Variants in COBL observed in about 807,000 individuals in gnomAD.
COBL encodes the protein cordon-bleu WH2 repeat protein, also known as protein cordon-bleu.
Under a neutral mutation model 98.8 loss-of-function variants are expected in COBL, and 51 were observed. That is an observed-to-expected ratio of 0.52 (90% CI 0.41 to 0.65). COBL has a LOEUF of 0.65. COBL is among the 30% of genes least tolerant of loss of function. The pLI, the probability that COBL is intolerant of heterozygous loss-of-function variation, is 0.00. For synonymous variants in COBL, 634 were observed against 651.7 expected (o/e 0.97, Z 0.41); for missense variants, 1,617 against 1,617.5 (o/e 1.00, Z 0.01).
In COBL at chr7:51,205,975, T is replaced by G. The variant is rs192001699; in HGVS notation, c.246-12386A>C. Among the ~76,000 whole-genome samples the G allele has an allele frequency of 1.9e-3, 282 of 152,182 alleles. 1 individual carries two copies. The highest frequency in any genetic ancestry group is 3.2e-4 in the Non-Finnish European group (22 of 67,982). On this transcript the variant is annotated intron_variant, in intron 2 of 12. Transcript: ENST00000265136. ...AACATCACCATCAGGAAAGTGCAATTCAAAACCACAATATCACCTCACACC... is the reference window on the plus strand; with the variant it reads ...AACATCACCATCAGGAAAGTGCAATGCAAAACCACAATATCACCTCACACC...
intron 1 of COBL, among the ~76,000 whole-genome samples, chr7:51,266,912 T>C (rs567221458): frequency 6.6e-6 from 1 of 152,310 alleles, no homozygotes; most frequent in African/African-American, 2.4e-5. Flanking sequence ...ATATTCCCTA[T>C]TAACTTACAT....
At chr7:51,211,727 C>CA (rs1323096534) in intron 2 of COBL, among the ~76,000 whole-genome samples, 1 of 152,164 alleles carries the variant, frequency 6.6e-6, no homozygotes, top group Non-Finnish European at 1.5e-5. Flanking sequence ...CTAAGACAAT[C>CA]AGACCCTCTC....
intron 8 of COBL, among the ~76,000 whole-genome samples, chr7:51,039,453 TG>T (rs765592227): frequency 2.3e-4 from 35 of 152,378 alleles, no homozygotes; most frequent in Middle Eastern, 3.4e-3. Context: ...TTCTGCTGCC[TG>T]GGCAGCTCCC....
chr7:51,192,960 C>G (rs1370510335), intron 3 of COBL, among the ~76,000 whole-genome samples: 1 of 152,052 alleles, frequency 6.6e-6, no homozygotes, highest in Non-Finnish European at 1.5e-5. Context: ...TGTTCAAAAG[C>G]TGTGTCAATT....
chr7:51,114,979 C>T (rs571431783), intron 6 of COBL, among the ~76,000 whole-genome samples: 13 of 152,276 alleles, frequency 8.5e-5, no homozygotes, highest in Non-Finnish European at 1.5e-4. Flanking sequence ...ATTACCATCA[C>T]CACCACAGTA....
chr7:51,040,708 C>G (rs1039170583), intron 8 of COBL, among the ~76,000 whole-genome samples: 1 of 152,166 alleles, frequency 6.6e-6, no homozygotes, highest in African/African-American at 2.4e-5. Flanking sequence ...AACTCCCTCC[C>G]TCCCCACCAC....
At chr7:51,128,366 C>T (rs978942691) in intron 6 of COBL, among the ~76,000 whole-genome samples, 6 of 151,876 alleles carry the variant, frequency 4.0e-5, no homozygotes, top group African/African-American at 9.7e-5. Flanking sequence ...GATATGTGTG[C>T]GTGTATGTGT....
At chr7:51,161,691 C>T (rs1312010463) in intron 5 of COBL, among the ~76,000 whole-genome samples, 1 of 152,112 alleles carries the variant, frequency 6.6e-6, no homozygotes, top group Non-Finnish European at 1.5e-5. Context: ...TTTATGGTAT[C>T]AAGAAATGCA....
At chr7:51,133,279 C>T (rs768609287) in intron 6 of COBL, among the ~76,000 whole-genome samples, 1 of 152,182 alleles carries the variant, frequency 6.6e-6, no homozygotes, top group African/African-American at 2.4e-5. Context: ...TGTTTTAACA[C>T]ATAACTTTAG....
chr7:51,054,938 G>A (rs1790592504), intron 7 of COBL, among the ~76,000 whole-genome samples: 1 of 152,172 alleles, frequency 6.6e-6, no homozygotes, highest in South Asian at 2.1e-4. Context: ...AGAGAAGGTG[G>A]TCCGCTATCC....
chr7:51,078,370 A>C (rs1793294459), intron 7 of COBL, among the ~76,000 whole-genome samples: 1 of 152,196 alleles, frequency 6.6e-6, no homozygotes, highest in South Asian at 2.1e-4. Context: ...CATTGCTCCC[A>C]GCCTTAGGGG....
chr7:51,100,617 T>C (rs933217206), intron 6 of COBL, among the ~76,000 whole-genome samples: 1 of 152,206 alleles, frequency 6.6e-6, no homozygotes, highest in Non-Finnish European at 1.5e-5. Context: ...AGCAGCTCTT[T>C]TGGCTGAGTG....
chr7:51,229,108 C>A (rs976414872), intron 1 of COBL, among the ~76,000 whole-genome samples: 3 of 152,190 alleles, frequency 2.0e-5, no homozygotes, highest in Non-Finnish European at 4.4e-5. Context: ...TACCGCACAG[C>A]CAACGCTGTT....
intron 1 of COBL, among the ~76,000 whole-genome samples, chr7:51,315,415 G>T (rs1416583773): frequency 6.6e-6 from 1 of 152,166 alleles, no homozygotes; most frequent in Non-Finnish European, 1.5e-5. Context: ...TACACACTTG[G>T]GCAACACGCC....
chr7:51,260,720 G>A (rs2129147747), intron 1 of COBL, among the ~76,000 whole-genome samples: 1 of 152,310 alleles, frequency 6.6e-6, no homozygotes, highest in East Asian at 1.9e-4. Flanking sequence ...GATGTGTGAA[G>A]AACTGGGATC....
intron 4 of COBL, chr7:51,187,846 G>A: frequency 1.7e-6 from 2 of 1,163,710 alleles, no homozygotes; most frequent in Non-Finnish European, 2.2e-6. Context: ...CCTCTGTGCA[G>A]CTCTGACCCC....
chr7:51,250,487 A>G (rs1796633594), intron 1 of COBL, among the ~76,000 whole-genome samples: 1 of 152,250 alleles, frequency 6.6e-6, no homozygotes, highest in African/African-American at 2.4e-5. Context: ...TTTTTAAAAA[A>G]TATTATTTAA....
chr7:51,171,946 C>T (rs1200256464), intron 5 of COBL, among the ~76,000 whole-genome samples: 4 of 152,154 alleles, frequency 2.6e-5, no homozygotes, highest in Non-Finnish European at 4.4e-5. Flanking sequence ...TTATTAGATA[C>T]ATTTAAAATG....
Position 51,074,135 on chromosome 7 carries a change from G to A in COBL, c.1096+11031C>T, listed in dbSNP as rs562912912. 7.5e-4 allele frequency among the ~76,000 whole-genome samples: 113 copies of A among 151,074 alleles called. No individual in the cohort carries two copies. The South Asian group carries it at 0.01, about 14-fold the overall frequency. On this transcript the variant is annotated intron_variant, in intron 7 of 12. Transcript: ENST00000265136. The stretch of plus-strand genomic sequence containing the variant: ...ACAGTTTAGAAGACTATTGTCATAA[G>A]AGAATGCCTGATTCATAATCTCTAT...
Sources: allele counts gnomAD v4.1 joint callset (sites outside exome capture counted in the v4.1 genomes callset), GRCh38; gene constraint gnomAD v4.1.1; transcripts MANE v1.5; gene names NCBI Gene and HGNC (gene_info 2026-07-23, HGNC 2026-07-21).